The following CDH18 variants were observed in gnomAD, a reference collection of about 807,000 sequenced individuals.
CDH18 encodes cadherin-18.
In CDH18, 31 loss-of-function variants were observed where a neutral mutation model predicts 67.9. The ratio of observed to expected loss-of-function variants is 0.46; its 90% confidence interval spans 0.34 to 0.62. The LOEUF (loss-of-function observed/expected upper bound fraction) is 0.62, where lower values mean the gene tolerates loss of function less well. Among genes scored for constraint, CDH18 ranks in the 20% least tolerant of loss-of-function variants. The pLI, the probability that CDH18 is intolerant of heterozygous loss-of-function variation, is 0.01. For synonymous variants in CDH18, 362 were observed against 347.2 expected (o/e 1.04, Z -0.48); for missense variants, 890 against 975.5 (o/e 0.91, Z 1.17).
intron 2 of CDH18, among the ~76,000 whole-genome samples, chr5:20,215,902 C>T (rs1243908797): frequency 6.6e-6 from 1 of 151,772 alleles, no homozygotes; most frequent in African/African-American, 2.4e-5. Flanking sequence ...CATACTCTTA[C>T]TTATAAATGG....
At chr5:20,218,315 A>G (rs896166565) in intron 2 of CDH18, among the ~76,000 whole-genome samples, 1 of 152,018 alleles carries the variant, frequency 6.6e-6, no homozygotes, top group Non-Finnish European at 1.5e-5. Flanking sequence ...AATTTCAACT[A>G]TCTTCTTTCT....
At chr5:20,081,054 T>A (rs1744428784) in intron 2 of CDH18, among the ~76,000 whole-genome samples, 1 of 152,160 alleles carries the variant, frequency 6.6e-6, no homozygotes, top group Non-Finnish European at 1.5e-5. Context: ...CTATGGCTGT[T>A]TTAAAATAGG....
chr5:19,973,733 C>G (rs1351414593), intron 2 of CDH18, among the ~76,000 whole-genome samples: 1 of 152,122 alleles, frequency 6.6e-6, no homozygotes, highest in Admixed American at 6.6e-5. Context: ...GCCAGTTCAA[C>G]TGCTTAGCAT....
chr5:19,488,320 A>G (rs1206583369), intron 11 of CDH18, among the ~76,000 whole-genome samples: 1 of 152,222 alleles, frequency 6.6e-6, no homozygotes, highest in Non-Finnish European at 1.5e-5. Flanking sequence ...TCTCAGTTAT[A>G]TCAGCAAATT....
At chr5:19,655,986 CTT>C (rs963093504) in intron 5 of CDH18, among the ~76,000 whole-genome samples, 23 of 103,672 alleles carry the variant, frequency 2.2e-4, no homozygotes, top group Middle Eastern at 4.9e-3. Flanking sequence ...CTACTCACTT[CTT>C]TTTTTTTTTT....
rs1265714664 is a variant in CDH18 at position 20,172,654 on chromosome 5, C to A, written c.-518+82790G>T. 5.3e-5 allele frequency among the ~76,000 whole-genome samples: 8 copies of A among 151,870 alleles called. 1 individual carries two copies. Among genetic ancestry groups the A allele is most frequent in the Admixed American group, 5.3e-4 (8 of 15,224 alleles). ...AAAAGGATTCTTGAAACAGTGATTACAAAAATATATGAAGCAGGATTATAA... is the reference window on the plus strand; with the variant it reads ...AAAAGGATTCTTGAAACAGTGATTAAAAAAATATATGAAGCAGGATTATAA... On this transcript the variant is annotated intron_variant, in intron 2 of 14. Transcript: ENST00000507958.
chr5:20,198,503 G>C (rs997017528), intron 2 of CDH18, among the ~76,000 whole-genome samples: 11 of 152,144 alleles, frequency 7.2e-5, no homozygotes, highest in African/African-American at 2.7e-4. Flanking sequence ...AGGGTATCCG[G>C]CAGAAGAAAT....
intron 2 of CDH18, among the ~76,000 whole-genome samples, chr5:20,007,672 A>AGTGTGTGT (rs145213048): frequency 0.012 from 1,719 of 140,198 alleles, 18 homozygotes; most frequent in South Asian, 0.034. Flanking sequence ...GTGTGTGGAA[A>AGTGTGTGT]GTGTGTGTGT....
intron 2 of CDH18, among the ~76,000 whole-genome samples, chr5:20,234,950 A>T (rs2126519223): frequency 6.6e-6 from 1 of 152,264 alleles, no homozygotes; most frequent in Non-Finnish European, 1.5e-5. Flanking sequence ...AGTCTACATT[A>T]CATTGCAAGG....
Position 19,472,262 on chromosome 5 carries a change from G to GAATT in CDH18, c.*960_*963dup, listed in dbSNP as rs1165309964. Among the ~76,000 whole-genome samples, 1 of 151,932 alleles carries GAATT rather than the reference G, an allele frequency of 6.6e-6. No homozygotes were observed. Among genetic ancestry groups the GAATT allele is most frequent in the Non-Finnish European group, 1.5e-5 (1 of 67,984 alleles). Reference sequence around the variant, plus strand: ...ATTACTGCTCGTGTTGAAAATAAGTGAATTAGACTGAAGTACAAACCAGCC... The same window carrying GAATT: ...ATTACTGCTCGTGTTGAAAATAAGTGAATTAATTAGACTGAAGTACAAACCAGCC... On this transcript the variant is annotated 3_prime_UTR_variant, in exon 13 of 13. Coordinates refer to ENST00000382275, the MANE Select transcript of CDH18 (RefSeq NM_004934.5).
At chr5:19,780,660 A>C (rs1453117020) in intron 3 of CDH18, among the ~76,000 whole-genome samples, 2 of 151,996 alleles carry the variant, frequency 1.3e-5, no homozygotes, top group African/African-American at 4.8e-5. Flanking sequence ...CTGCTTCAAA[A>C]CCTTCCCTGA....
chr5:20,051,128 G>T (rs1370527823), intron 2 of CDH18, among the ~76,000 whole-genome samples: 1 of 151,880 alleles, frequency 6.6e-6, no homozygotes, highest in Non-Finnish European at 1.5e-5. Context: ...TCATTAGAAG[G>T]ATATAAAAAT....
intron 10 of CDH18, among the ~76,000 whole-genome samples, chr5:19,503,408 T>A: frequency 6.6e-6 from 1 of 152,138 alleles, no homozygotes; most frequent in Non-Finnish European, 1.5e-5. Context: ...TTAGATGCAA[T>A]GTTTTCACAT....
chr5:20,528,530 A>T (rs556283658), intron 1 of CDH18, among the ~76,000 whole-genome samples: 47 of 152,216 alleles, frequency 3.1e-4, no homozygotes, highest in African/African-American at 9.9e-4. Flanking sequence ...CAAATGCAAA[A>T]TAACTGAAGT....
At chr5:19,937,961 C>CTATATATATA (rs369843082) in intron 2 of CDH18, among the ~76,000 whole-genome samples, 43 of 144,420 alleles carry the variant, frequency 3.0e-4, no homozygotes, top group African/African-American at 9.8e-4. Flanking sequence ...AATATATTTG[C>CTATATATATA]TATATATATA....
chr5:19,622,607 C>T (rs546211934), intron 5 of CDH18, among the ~76,000 whole-genome samples: 2 of 152,266 alleles, frequency 1.3e-5, no homozygotes, highest in South Asian at 4.1e-4. Context: ...TTAGAAGCTG[C>T]TGCCTTGATC....
At chr5:20,181,724 T>G (rs1384808364) in intron 2 of CDH18, among the ~76,000 whole-genome samples, 1 of 152,130 alleles carries the variant, frequency 6.6e-6, no homozygotes, top group African/African-American at 2.4e-5. Flanking sequence ...CTATCAGTTA[T>G]CCAGGGCCTG....
intron 2 of CDH18, among the ~76,000 whole-genome samples, chr5:20,053,938 C>A (rs960305607): frequency 3.9e-5 from 6 of 152,128 alleles, no homozygotes; most frequent in East Asian, 3.9e-4. Context: ...CCTGTGGAAC[C>A]CTTTGCTAAG....
intron 2 of CDH18, among the ~76,000 whole-genome samples, chr5:20,145,524 T>G (rs190983505): frequency 1.2e-4 from 18 of 152,272 alleles, no homozygotes; most frequent in Non-Finnish European, 2.2e-4. Flanking sequence ...GGAGTTTTTG[T>G]TTTTTGCTTC....
Sources: allele counts gnomAD v4.1 joint callset (sites outside exome capture counted in the v4.1 genomes callset), GRCh38; gene constraint gnomAD v4.1.1; transcripts MANE v1.5; gene names NCBI Gene and HGNC (gene_info 2026-07-23, HGNC 2026-07-21).